The following C11orf87 variants were observed in gnomAD, a reference collection of about 807,000 sequenced individuals.
The protein encoded by C11orf87 is uncharacterized protein C11orf87.
C11orf87 carries 3 observed loss-of-function variants against 9.2 expected under a neutral mutation model. The ratio of observed to expected loss-of-function variants is 0.33; its 90% CI spans 0.15 to 0.84. The LOEUF is 0.84. Ranked by LOEUF, C11orf87 falls within the 40% of genes least tolerant of loss-of-function variation. The pLI is 0.55. For synonymous variants in C11orf87, 124 were observed against 124.6 expected (o/e 1.00, Z 0.03); for missense variants, 256 against 270.7 (o/e 0.95, Z 0.38).
rs1184967365 is a variant in C11orf87 at position 109,424,806 on chromosome 11, T to TA, written c.*581dup. The TA allele has an allele frequency of 2.4e-5, 4 of 167,078 alleles. No homozygotes were observed. Among genetic ancestry groups the TA allele is most frequent in the Non-Finnish European group, 5.9e-5 (4 of 68,158 alleles). 10.3% of individuals were successfully genotyped at this position (167,078 alleles called of 1,614,324 possible). The stretch of plus-strand genomic sequence containing the variant: ...TATATTATAAAGAAAATGTCTACAT[T>TA]AAGCACCAGGACTGCAAGAGGCCAT... On this transcript the variant is annotated 3_prime_UTR_variant, in exon 2 of 2. Transcript: ENST00000327419. This position sits in a 1 kb window ranked among gnomAD's most constrained non-coding sequence, Gnocchi z 4.7.
chr11:109,423,630 GC>G lies in C11orf87; in HGVS notation c.-2del. ...TGGGCCTGGCCCCTCCCAGCCCCGC[GC>G]CAATGAGTGCCAGGGCGCCGAAGGA... On this transcript the variant is annotated 5_prime_UTR_variant, in exon 2 of 2. Transcript: ENST00000327419. The surrounding 1 kb of genome is among the most constrained non-coding windows in gnomAD (Gnocchi z 5.3). The G allele has an allele frequency of 6.3e-7, 1 of 1,592,866 alleles. No individual in the cohort carries two copies. The highest frequency in any genetic ancestry group is 8.5e-7 in the Non-Finnish European group (1 of 1,176,522).
rs780387074 is a variant in C11orf87, at chr11:109,423,710, A to G, written c.77A>G (p.Asn26Ser). The change falls in exon 2 of 2, where the codon AAC becomes AGC. Residue 26 changes from asparagine to serine, a missense_variant. Physicochemically the swap from Asn to Ser is conservative, Grantham distance 46 (BLOSUM62 1). Transcript: ENST00000327419. This position sits in a 1 kb window ranked among gnomAD's most constrained non-coding sequence, Gnocchi z 5.3. ...CTCAACCGGACCTTTGCTTCCCCCA[A>G]CGCCAGCGGCAGCGGCAACACGGGT... ...CLLNRTFASP[N>S]ASGSGNTGAR... is the part of the protein sequence containing the mutation. 6.2e-6 allele frequency: 10 copies of G among 1,612,996 alleles called. No individual in the cohort carries two copies. The African/African-American group carries it at 1.1e-4, about 17-fold the overall frequency.
In C11orf87 at chr11:109,427,020, G is replaced by A. The variant is rs1860581102; in HGVS notation, c.*2793G>A. On this transcript the variant is annotated 3_prime_UTR_variant, in exon 2 of 2. Transcript: ENST00000327419. ...CCTTATGAATCATAGTATATTCAAG[G>A]CATGCAATAATAATCCCCTTCCAAG... 6.6e-6 allele frequency: 1 copy of A among 152,152 alleles called. No homozygotes were observed. The highest frequency in any genetic ancestry group is 6.5e-5 in the Admixed American group (1 of 15,278). 9.4% of individuals were successfully genotyped at this position (152,152 alleles called of 1,614,324 possible).
Position 109,428,033 on chromosome 11 carries a change from G to T in C11orf87, c.*3806G>T, listed in dbSNP as rs1860596134. 1 of 152,024 alleles carries T rather than the reference G, an allele frequency of 6.6e-6. No individual in the cohort carries two copies. The highest frequency in any genetic ancestry group is 6.6e-5 in the Admixed American group (1 of 15,258). The allele number at this position is 152,024 out of a possible 1,614,324, so 9.4% of individuals were successfully genotyped here. A position where few individuals can be genotyped will look rare whatever the true frequency, so the allele number is the denominator to read the frequency against. ...TAATGAAAGGGGAGAGTCCTGGTTA[G>T]CTTGGAAAATTGGTAATTAGATAAG... is the stretch of plus-strand genomic sequence containing the variant. On this transcript the variant is annotated 3_prime_UTR_variant, in exon 2 of 2. Coordinates refer to ENST00000327419, the MANE Select transcript of C11orf87 (RefSeq NM_207645.4).
In C11orf87 at chr11:109,428,166, T is replaced by C. The variant is rs1860597930; in HGVS notation, c.*3939T>C. 1 of 152,114 alleles carries C rather than the reference T, an allele frequency of 6.6e-6. No individual in the cohort carries two copies. Among genetic ancestry groups the C allele is most frequent in the Non-Finnish European group, 1.5e-5 (1 of 67,978 alleles). The allele number at this position is 152,114 out of a possible 1,614,324, so 9.4% of individuals were successfully genotyped here. On this transcript the variant is annotated 3_prime_UTR_variant, in exon 2 of 2. Coordinates refer to ENST00000327419, the MANE Select transcript of C11orf87 (RefSeq NM_207645.4). ...GAAAGCAAAAATATCCAGAAGAGGT[T>C]TAGGGCCATCTAGACCACAAACCTG...
rs902161196 is a variant in C11orf87, at chr11:109,423,711, C to T, written c.78C>T (p.Asn26=). Residue 26 remains asparagine, a synonymous_variant, in exon 2 of 2, where the codon AAC becomes AAT. Transcript: ENST00000327419. The surrounding 1 kb of genome is among the most constrained non-coding windows in gnomAD (Gnocchi z 5.3). The part of the protein sequence containing the change: ...CLLNRTFASP[N]ASGSGNTGAR... ...TCAACCGGACCTTTGCTTCCCCCAACGCCAGCGGCAGCGGCAACACGGGTG... is the reference window on the plus strand; with the variant it reads ...TCAACCGGACCTTTGCTTCCCCCAATGCCAGCGGCAGCGGCAACACGGGTG... 2 of 1,613,334 alleles carry T rather than the reference C, an allele frequency of 1.2e-6. No homozygotes were observed. Among genetic ancestry groups the T allele is most frequent in the African/African-American group, 1.3e-5 (1 of 75,060 alleles).
In C11orf87 at chr11:109,424,944, T is replaced by C. The variant is rs773296633; in HGVS notation, c.*717T>C. The C allele has an allele frequency of 6.0e-6, 1 of 167,120 alleles. No homozygotes were observed. The highest frequency in any genetic ancestry group is 1.5e-5 in the Non-Finnish European group (1 of 68,124). The allele number at this position is 167,120 out of a possible 1,614,324, so 10.4% of individuals were successfully genotyped here. On this transcript the variant is annotated 3_prime_UTR_variant, in exon 2 of 2. Transcript: ENST00000327419. The surrounding 1 kb of genome is among the most constrained non-coding windows in gnomAD (Gnocchi z 4.7). The stretch of plus-strand genomic sequence containing the variant: ...AGGACAGAGCATTTAATTTACTTTT[T>C]AAAATGACCCTCGCTGGCCGAGCAT...
rs772394477 is a variant in C11orf87 at position 109,424,236 on chromosome 11, C to T, written c.*9C>T. ...CGGTGGTACTGTCCTGATCGTCTAG[C>T]CCCTCTCGTTCCCCGTCCTCGTTTC... is the stretch of plus-strand genomic sequence containing the variant. On this transcript the variant is annotated 3_prime_UTR_variant, in exon 2 of 2. Transcript: ENST00000327419. The surrounding 1 kb of genome is among the most constrained non-coding windows in gnomAD (Gnocchi z 4.7). 1.9e-6 allele frequency: 3 copies of T among 1,600,280 alleles called. No individual in the cohort carries two copies. Among genetic ancestry groups the T allele is most frequent in the Admixed American group, 1.7e-5 (1 of 58,222 alleles).
rs1333747496 is a variant in C11orf87, at chr11:109,426,004, GATAA to G, written c.*1781_*1784del. On this transcript the variant is annotated 3_prime_UTR_variant, in exon 2 of 2. Coordinates refer to ENST00000327419, the MANE Select transcript of C11orf87 (RefSeq NM_207645.4). Reference sequence around the variant, plus strand: ...AGAAAAAAAGAAAGTGAGAAAATAAGATAAATATTTTATTATTTTCTAATGCCAG... The same window carrying G: ...AGAAAAAAAGAAAGTGAGAAAATAAGATATTTTATTATTTTCTAATGCCAG... 6.6e-6 allele frequency: 1 copy of G among 152,132 alleles called. No individual in the cohort carries two copies. The highest frequency in any genetic ancestry group is 1.5e-5 in the Non-Finnish European group (1 of 68,020). The allele number at this position is 152,132 out of a possible 1,614,324, so 9.4% of individuals were successfully genotyped here.
At chr11:109,422,461 C>G (rs897612974) in intron 1 of C11orf87, among the ~76,000 whole-genome samples, 198 bp downstream of exon 1, 2 of 152,230 alleles carry the variant, frequency 1.3e-5, no homozygotes, top group Non-Finnish European at 2.9e-5. Context: ...GCAGCTGCCT[C>G]TTGGGAGCAG....
Position 109,423,038 on chromosome 11 carries a change from G to T in C11orf87, c.-259-337G>T, listed in dbSNP as rs1860515249. ...GAGGGCGCAGAAAAGAGGAGAGCCG[G>T]CGCTCTGGGAAGTAGGGACTTCAAC... On this transcript the variant is annotated intron_variant, in intron 1 of 1. Transcript: ENST00000327419. The surrounding 1 kb of genome is among the most constrained non-coding windows in gnomAD (Gnocchi z 5.3). Among the ~76,000 whole-genome samples, 1 of 152,128 alleles carries T rather than the reference G, an allele frequency of 6.6e-6. No homozygotes were observed. Among genetic ancestry groups the T allele is most frequent in the Non-Finnish European group, 1.5e-5 (1 of 68,034 alleles).
rs1446883697 is a variant in C11orf87 at position 109,426,181 on chromosome 11, C to G, written c.*1954C>G. 6.6e-6 allele frequency: 1 copy of G among 152,134 alleles called. No individual in the cohort carries two copies. The highest frequency in any genetic ancestry group is 2.4e-5 in the African/African-American group (1 of 41,416). 9.4% of individuals were successfully genotyped at this position (152,134 alleles called of 1,614,324 possible). ...TTCTTGGAAATCAAGCCTTTGACAG[C>G]TATTCAAATTTTTGGAAAATGTATG... On this transcript the variant is annotated 3_prime_UTR_variant, in exon 2 of 2. Coordinates refer to ENST00000327419, the MANE Select transcript of C11orf87 (RefSeq NM_207645.4).
At position 109,422,214 on chromosome 11, in the gene C11orf87, C is replaced by A; in HGVS notation, c.-309C>A. Reference sequence around the variant, plus strand: ...CACTCCACGCTTTCTGCAGCCGCCACTGCAGCCGCGCGGCGGGGGCTCCCT... The same window carrying A: ...CACTCCACGCTTTCTGCAGCCGCCAATGCAGCCGCGCGGCGGGGGCTCCCT... On this transcript the variant is annotated 5_prime_UTR_variant, in exon 1 of 2. In the 5' UTR this introduces an upstream ATG that the reference lacks. Transcript: ENST00000327419. 1 of 202,462 alleles carries A rather than the reference C, an allele frequency of 4.9e-6. No individual in the cohort carries two copies. Among genetic ancestry groups the A allele is most frequent in the Non-Finnish European group, 1.0e-5 (1 of 99,962 alleles). The allele number at this position is 202,462 out of a possible 1,614,324, so 12.5% of individuals were successfully genotyped here. A position where few individuals can be genotyped will look rare whatever the true frequency, so the allele number is the denominator to read the frequency against.
Position 109,424,182 on chromosome 11 carries a change from G to C in C11orf87, c.549G>C (p.Leu183Phe). The C allele has an allele frequency of 6.2e-7, 1 of 1,614,192 alleles. No homozygotes were observed. Among genetic ancestry groups the C allele is most frequent in the Non-Finnish European group, 8.5e-7 (1 of 1,180,038 alleles). ...GAGCACACGCAGCTTCCTCCTGTTT[G>C]GACACAGCTGGCGAGGGCCTTTTGC... ...PQGAHAASSC[L>F]DTAGEGLLQT... The change falls in exon 2 of 2, where the codon TTG (leucine) becomes TTC (phenylalanine). Residue 183 changes from leucine (L) to phenylalanine (F), a missense_variant. Transcript: ENST00000327419. This position sits in a 1 kb window ranked among gnomAD's most constrained non-coding sequence, Gnocchi z 4.7.
At chr11:109,422,722 CTTTTTTTTTT>C (rs772868114) in intron 1 of C11orf87, among the ~76,000 whole-genome samples, 8 of 71,424 alleles carry the variant, frequency 1.1e-4, no homozygotes, top group African/African-American at 4.8e-4. Context: ...GCTTCAGCTG[CTTTTTTTTTT>C]TTTTTTTTTT....
rs976079388 is a variant in C11orf87, at chr11:109,426,333, C to T, written c.*2106C>T. On this transcript the variant is annotated 3_prime_UTR_variant, in exon 2 of 2. Transcript: ENST00000327419. The stretch of plus-strand genomic sequence containing the variant: ...ATTGTTCTAAATTGTCTACTTGGTC[C>T]AGACATATGTGCTCTTATCCAGAGG... 1 of 152,196 alleles carries T rather than the reference C, an allele frequency of 6.6e-6. No homozygotes were observed. The highest frequency in any genetic ancestry group is 1.5e-5 in the Non-Finnish European group (1 of 68,024). The allele number at this position is 152,196 out of a possible 1,614,324, so 9.4% of individuals were successfully genotyped here.
rs1402274613 is a variant in C11orf87, at chr11:109,429,054, A to G, written c.*4827A>G. 2 of 152,192 alleles carry G rather than the reference A, an allele frequency of 1.3e-5. No homozygotes were observed. Among genetic ancestry groups the G allele is most frequent in the Non-Finnish European group, 2.9e-5 (2 of 68,022 alleles). 9.4% of individuals were successfully genotyped at this position (152,192 alleles called of 1,614,324 possible). On this transcript the variant is annotated 3_prime_UTR_variant, in exon 2 of 2. Transcript: ENST00000327419. ...ATATCCAATAGATAGAAGAAAAAAG[A>G]TATTAGAATTCATGGAAATTTTGTT...
Position 109,424,087 on chromosome 11 carries a change from T to TCGTC in C11orf87, c.456_459dup (p.Pro154ValfsTer49). 1 of 1,613,816 alleles carries TCGTC rather than the reference T, an allele frequency of 6.2e-7. No individual in the cohort carries two copies. The highest frequency in any genetic ancestry group is 8.5e-7 in the Non-Finnish European group (1 of 1,179,998). On this transcript the variant is annotated frameshift_variant, in exon 2 of 2. Coordinates refer to ENST00000327419, the MANE Select transcript of C11orf87 (RefSeq NM_207645.4). LOFTEE classifies it high-confidence loss of function. This position sits in a 1 kb window ranked among gnomAD's most constrained non-coding sequence, Gnocchi z 4.7. ...TTCCAACGCCTCGTCGTTGTCCTCTTCGTCCCCTGGCCTCCCGTGCCAGGG... is the reference window on the plus strand; with the variant it reads ...TTCCAACGCCTCGTCGTTGTCCTCTTCGTCCGTCCCCTGGCCTCCCGTGCCAGGG...
At position 109,428,586 on chromosome 11, in the gene C11orf87, T is replaced by G. The variant is rs1269909986; in HGVS notation, c.*4359T>G. 2.0e-5 allele frequency: 3 copies of G among 152,128 alleles called. No homozygotes were observed. The highest frequency in any genetic ancestry group is 4.4e-5 in the Non-Finnish European group (3 of 67,984). 9.4% of individuals were successfully genotyped at this position (152,128 alleles called of 1,614,324 possible). A position where few individuals can be genotyped will look rare whatever the true frequency, so the allele number is the denominator to read the frequency against. On this transcript the variant is annotated 3_prime_UTR_variant, in exon 2 of 2. Transcript: ENST00000327419. Reference sequence around the variant, plus strand: ...TCCCATTCCCATGTGAATCTGAACTTTGAATTTGAATCTGAAAGGCCTACT... The same window carrying G: ...TCCCATTCCCATGTGAATCTGAACTGTGAATTTGAATCTGAAAGGCCTACT...
Sources: allele counts gnomAD v4.1 joint callset (sites outside exome capture counted in the v4.1 genomes callset), GRCh38; gene constraint gnomAD v4.1.1; non-coding constraint Gnocchi (gnomAD v3.1); transcripts MANE v1.5; gene names NCBI Gene and HGNC (gene_info 2026-07-23, HGNC 2026-07-21).